Variants in KITLG observed in about 807,000 individuals in gnomAD.
KITLG encodes the protein KIT ligand, also known as c-Kit ligand.
Under a neutral mutation model 34.1 loss-of-function variants are expected in KITLG, and 13 were observed. That is an observed-to-expected ratio of 0.38 (90% CI 0.25 to 0.61). KITLG has a LOEUF of 0.61. KITLG is among the 20% of genes least tolerant of loss of function. KITLG has a pLI of 0.60. For synonymous variants in KITLG, 110 were observed against 104.0 expected (o/e 1.06, Z -0.35); for missense variants, 292 against 318.9 (o/e 0.92, Z 0.64).
At position 88,576,791 on chromosome 12, in the gene KITLG, G is replaced by A. The variant is rs147839173; in HGVS notation, c.15+3473C>T. On this transcript the variant is annotated intron_variant, in intron 1 of 9. Coordinates refer to ENST00000644744, the MANE Select transcript of KITLG (RefSeq NM_000899.5). ...GCGAAGGCCACATGTAGTGGAATTTGCCAATCCATGTAAAAAACCTCCAAT... is the reference window on the plus strand; with the variant it reads ...GCGAAGGCCACATGTAGTGGAATTTACCAATCCATGTAAAAAACCTCCAAT... 2.4e-3 allele frequency among the ~76,000 whole-genome samples: 364 copies of A among 152,078 alleles called. 3 individuals carry two copies. Among genetic ancestry groups the A allele is most frequent in the African/African-American group, 8.5e-3 (352 of 41,516 alleles).
intron 1 of KITLG, among the ~76,000 whole-genome samples, chr12:88,557,781 G>T (rs1440977249): frequency 6.6e-6 from 1 of 152,070 alleles, no homozygotes; most frequent in East Asian, 1.9e-4. Context: ...TCTGAAATCT[G>T]CATCTTCAGC....
At chr12:88,575,036 T>C (rs1293711708) in intron 1 of KITLG, among the ~76,000 whole-genome samples, 1 of 152,208 alleles carries the variant, frequency 6.6e-6, no homozygotes, top group Non-Finnish European at 1.5e-5. Flanking sequence ...GCATTCACAC[T>C]GAAGCAATGG....
rs1566018151 is a variant in KITLG, at chr12:88,505,146, GA to G, written c.*37+12del. 4 of 1,387,754 alleles carry G rather than the reference GA, an allele frequency of 2.9e-6. No individual in the cohort carries two copies. Among genetic ancestry groups the G allele is most frequent in the Non-Finnish European group, 4.1e-6 (4 of 983,998 alleles). The allele number at this position is 1,387,754 out of a possible 1,614,324, so 86.0% of individuals were successfully genotyped here. ...AAAAAAAGAAAAAAAAAGGAAAGAA[GA>G]AAAAAACTTACCAATGTACGAAAGT... On this transcript the variant is annotated intron_variant, in intron 9 of 9. Coordinates refer to ENST00000644744, the MANE Select transcript of KITLG (RefSeq NM_000899.5).
In KITLG at chr12:88,534,625, C is replaced by T. The variant is rs1592571725; in HGVS notation, c.130-2122G>A. On this transcript the variant is annotated intron_variant, in intron 2 of 9. Transcript: ENST00000644744. ...CAAGTGATCTGCCTGCCTTGGCCTC[C>T]CAAAATGCTGGGATTACAGTCATGA... is the stretch of plus-strand genomic sequence containing the variant. The T allele has an allele frequency of 2.7e-5, 13 of 487,384 alleles. No homozygotes were observed. In the East Asian group the frequency reaches 6.5e-4, roughly 24 times the overall value. The allele number at this position is 487,384 out of a possible 1,614,324, so 30.2% of individuals were successfully genotyped here.
chr12:88,568,358 C>G (rs1324797945), intron 1 of KITLG, among the ~76,000 whole-genome samples: 1 of 151,736 alleles, frequency 6.6e-6, no homozygotes, highest in Non-Finnish European at 1.5e-5. Context: ...CAAGGTCTCA[C>G]TATGTTGCCC....
rs191397698 is a variant in KITLG at position 88,522,838 on chromosome 12, A to G, written c.193-3971T>C. 3.3e-3 allele frequency among the ~76,000 whole-genome samples: 506 copies of G among 152,276 alleles called. 4 individuals carry two copies. Among genetic ancestry groups the G allele is most frequent in the African/African-American group, 0.012 (483 of 41,576 alleles). Reference sequence around the variant, plus strand: ...ACTGAAGCACTTTACATTACTTTCAATTTGGTAGCTATTCACAGAGAGATA... The same window carrying G: ...ACTGAAGCACTTTACATTACTTTCAGTTTGGTAGCTATTCACAGAGAGATA... On this transcript the variant is annotated intron_variant, in intron 3 of 9. Coordinates refer to ENST00000644744, the MANE Select transcript of KITLG (RefSeq NM_000899.5).
chr12:88,573,286 C>T (rs965255162), intron 1 of KITLG, among the ~76,000 whole-genome samples: 1 of 152,152 alleles, frequency 6.6e-6, no homozygotes, highest in African/African-American at 2.4e-5. Context: ...AGCACACTTT[C>T]TCTGTCACAC....
intron 3 of KITLG, among the ~76,000 whole-genome samples, chr12:88,527,650 G>C (rs941108634): frequency 6.6e-6 from 1 of 152,198 alleles, no homozygotes; most frequent in Admixed American, 6.5e-5. Context: ...TGGCCTTAAA[G>C]TGTCTCTCCC....
intron 6 of KITLG, among the ~76,000 whole-genome samples, chr12:88,515,034 T>C (rs1430441170): frequency 6.6e-6 from 1 of 151,748 alleles, no homozygotes; most frequent in Non-Finnish European, 1.5e-5. Context: ...TGTGGTAAAA[T>C]AACAAAATCA....
chr12:88,575,581 T>A (rs1306075205), intron 1 of KITLG, among the ~76,000 whole-genome samples: 1 of 152,182 alleles, frequency 6.6e-6, no homozygotes, highest in East Asian at 1.9e-4. Flanking sequence ...AGTCAATTGT[T>A]TCTATGAAAC....
intron 6 of KITLG, among the ~76,000 whole-genome samples, chr12:88,510,946 C>A (rs374709992): frequency 6.6e-6 from 1 of 152,130 alleles, no homozygotes; most frequent in African/African-American, 2.4e-5. Flanking sequence ...ATTTTATTTA[C>A]GTCTGTTTCT....
intron 9 of KITLG, among the ~76,000 whole-genome samples, chr12:88,504,433 C>T (rs1042519899): frequency 5.9e-5 from 9 of 152,002 alleles, no homozygotes; most frequent in African/African-American, 2.2e-4. Flanking sequence ...TCAAACAACC[C>T]CATCAAAAAG....
intron 1 of KITLG, among the ~76,000 whole-genome samples, chr12:88,558,537 G>T (rs977072818): frequency 2.0e-5 from 3 of 152,214 alleles, no homozygotes; most frequent in African/African-American, 4.8e-5. Context: ...TGCAATGTGT[G>T]TGAGACATAC....
At chr12:88,546,108 C>A in intron 1 of KITLG, 1 of 576,932 alleles carries the variant, frequency 1.7e-6, no homozygotes. Flanking sequence ...AAACTTTCTT[C>A]AGCCAATTTC....
At chr12:88,565,884 C>T (rs533082646) in intron 1 of KITLG, among the ~76,000 whole-genome samples, 1 of 152,162 alleles carries the variant, frequency 6.6e-6, no homozygotes, top group African/African-American at 2.4e-5. Context: ...GGACCTGGCA[C>T]AGAGAATAAG....
chr12:88,501,341 C>A (rs575018670), intron 9 of KITLG, among the ~76,000 whole-genome samples: 3 of 152,192 alleles, frequency 2.0e-5, no homozygotes, highest in East Asian at 3.9e-4. Flanking sequence ...GTATTTTTCC[C>A]CTTCCTTGTT....
At chr12:88,507,265 G>A in intron 6 of KITLG, 128 bp from the exon 7 acceptor site, 1 of 648,692 alleles carries the variant, frequency 1.5e-6, no homozygotes, top group Non-Finnish European at 2.8e-6. Flanking sequence ...GTATTCAAAA[G>A]ATTGATTTTT....
At chr12:88,554,253 C>A (rs1490689270) in intron 1 of KITLG, among the ~76,000 whole-genome samples, 1 of 152,002 alleles carries the variant, frequency 6.6e-6, no homozygotes, top group African/African-American at 2.4e-5. Flanking sequence ...ATCCTCTAAA[C>A]TTGGAAAAAC....
At chr12:88,507,639 C>T (rs1399603874) in intron 6 of KITLG, among the ~76,000 whole-genome samples, 1 of 152,126 alleles carries the variant, frequency 6.6e-6, no homozygotes. Flanking sequence ...TTAGGTATCT[C>T]ATGCTTAGAA....
Sources: gnomAD v4.1 joint callset for allele counts (sites outside exome capture counted in the v4.1 genomes callset) on GRCh38, gnomAD v4.1.1 for gene constraint, MANE v1.5 for transcripts, NCBI Gene and HGNC (gene_info 2026-07-23, HGNC 2026-07-21) for gene names.